The following CENPP variants were observed in gnomAD, a reference collection of about 807,000 sequenced individuals.
The protein encoded by CENPP is centromere protein P.
In CENPP, 24 loss-of-function variants were observed where a neutral mutation model predicts 35.6. The observed-to-expected ratio is 0.67, with a 90% CI of 0.49 to 0.95. CENPP has a LOEUF of 0.95. Ranked by LOEUF, CENPP falls within the 40% of genes least tolerant of loss-of-function variation. CENPP has a pLI of 0.00. For missense variants in CENPP, 332 were observed against 345.3 expected (o/e 0.96, Z 0.31); for synonymous variants, 120 against 125.5 (o/e 0.96, Z 0.29).
intron 6 of CENPP, 94 bp from the exon 7 acceptor site, chr9:92,612,429 C>T: frequency 1.1e-6 from 1 of 946,190 alleles, no homozygotes; most frequent in Non-Finnish European, 1.7e-6. Context: ...GGGAGCCCAG[C>T]ATGGGGAAAT....
At chr9:92,608,204 C>G (rs983253932) in intron 5 of CENPP, among the ~76,000 whole-genome samples, 3 of 152,172 alleles carry the variant, frequency 2.0e-5, no homozygotes, top group Non-Finnish European at 4.4e-5. Flanking sequence ...CTAAGGTGCA[C>G]TAGGGAGAGC....
chr9:92,569,627 G>A (rs1357809004), intron 5 of CENPP, among the ~76,000 whole-genome samples: 3 of 152,158 alleles, frequency 2.0e-5, no homozygotes, highest in Middle Eastern at 6.3e-3. Flanking sequence ...AAAGTCATTG[G>A]TAACTTGATG....
At chr9:92,477,217 G>GT (rs1338127937) in intron 5 of CENPP, among the ~76,000 whole-genome samples, 3 of 152,216 alleles carry the variant, frequency 2.0e-5, no homozygotes, top group African/African-American at 7.2e-5. Flanking sequence ...TGTGAATGCT[G>GT]TATGGGGTCC....
intron 5 of CENPP, chr9:92,505,678 A>G: frequency 2.5e-6 from 4 of 1,584,062 alleles, no homozygotes; most frequent in Non-Finnish European, 3.4e-6. Context: ...TAAGGTGACC[A>G]ACTGATTTAA....
chr9:92,465,729 A>G (rs1845279019), intron 5 of CENPP, among the ~76,000 whole-genome samples: 1 of 152,252 alleles, frequency 6.6e-6, no homozygotes, highest in Non-Finnish European at 1.5e-5. Context: ...ATATTTGAGT[A>G]GCTTATGCAA....
rs16908476 is a variant in CENPP at position 92,618,027 on chromosome 9, C to T, written c.*4878C>T. 2,738 of 349,552 alleles carry T rather than the reference C, an allele frequency of 7.8e-3. 62 individuals carry two copies. The highest frequency in any genetic ancestry group is 0.054 in the African/African-American group (2,519 of 46,690). 21.7% of individuals were successfully genotyped at this position (349,552 alleles called of 1,614,324 possible). On this transcript the variant is annotated 3_prime_UTR_variant, in exon 8 of 8. Transcript: ENST00000375587. The stretch of plus-strand genomic sequence containing the variant: ...CTCAGGTCTACCAGGTATCTCAAGA[C>T]GCCAAGATGACTCATGATAAATCCC...
intron 5 of CENPP, among the ~76,000 whole-genome samples, chr9:92,480,399 C>T (rs1845871952): frequency 6.6e-6 from 1 of 152,220 alleles, no homozygotes; most frequent in Admixed American, 6.5e-5. Context: ...TGAGGGCTGG[C>T]TTCCTCACTG....
intron 4 of CENPP, among the ~76,000 whole-genome samples, chr9:92,359,938 A>G (rs1841700632): frequency 6.6e-6 from 1 of 152,104 alleles, no homozygotes; most frequent in Non-Finnish European, 1.5e-5. Context: ...AATTAATCAC[A>G]ATTTACCATC....
intron 5 of CENPP, among the ~76,000 whole-genome samples, chr9:92,597,692 C>A (rs1266842307): frequency 6.6e-6 from 1 of 152,164 alleles, no homozygotes; most frequent in African/African-American, 2.4e-5. Context: ...TTAAAATAAA[C>A]CAACTTGGCT....
chr9:92,332,291 A>G lies in CENPP; in HGVS notation c.229A>G (p.Asn77Asp). ...ATTTCTAAGTACGCTTACTGGCATC[A>G]ATATAAGAAATCACTCCAAGCAGAC... is the stretch of plus-strand genomic sequence containing the variant. ...LSFLSTLTGINIRNHSKQTED... is the reference protein window; with the variant it reads ...LSFLSTLTGIDIRNHSKQTED... The change falls in exon 2 of 8, where the codon AAT becomes GAT. Residue 77 changes from asparagine to aspartate, a missense_variant. Physicochemically the swap from Asn to Asp is conservative, Grantham distance 23. Coordinates refer to ENST00000375587, the MANE Select transcript of CENPP (RefSeq NM_001012267.3). 2 of 1,611,774 alleles carry G rather than the reference A, an allele frequency of 1.2e-6. No individual in the cohort carries two copies. Among genetic ancestry groups the G allele is most frequent in the East Asian group, 2.2e-5 (1 of 44,706 alleles).
chr9:92,443,379 CTA>C (rs1844470434), intron 5 of CENPP, among the ~76,000 whole-genome samples: 1 of 151,924 alleles, frequency 6.6e-6, no homozygotes, highest in Non-Finnish European at 1.5e-5. Context: ...TGGGGTAACT[CTA>C]AAAAAAATGT....
intron 5 of CENPP, among the ~76,000 whole-genome samples, chr9:92,500,371 C>T (rs916524636): frequency 5.9e-5 from 9 of 152,132 alleles, no homozygotes; most frequent in South Asian, 2.1e-4. Flanking sequence ...TTAGTAGAAA[C>T]GAGGTTTCAC....
intron 5 of CENPP, among the ~76,000 whole-genome samples, chr9:92,608,992 C>T (rs188727253): frequency 1.3e-5 from 2 of 152,354 alleles, no homozygotes; most frequent in East Asian, 3.9e-4. Context: ...GTCCCAAGTG[C>T]TGCCGCTGAG....
intron 5 of CENPP, chr9:92,415,049 A>G (rs969874900): frequency 3.4e-6 from 3 of 872,556 alleles, no homozygotes; most frequent in African/African-American, 3.4e-5. Flanking sequence ...ATACTAATAC[A>G]TAATTCTAAA....
intron 5 of CENPP, among the ~76,000 whole-genome samples, chr9:92,458,603 G>T (rs541295958): frequency 6.6e-6 from 1 of 152,268 alleles, no homozygotes; most frequent in East Asian, 1.9e-4. Context: ...TATGACATGT[G>T]TTCTTCTGTT....
chr9:92,615,614 A>G lies in CENPP; in HGVS notation c.*2465A>G. 1 of 533,578 alleles carries G rather than the reference A, an allele frequency of 1.9e-6. No individual in the cohort carries two copies. The highest frequency in any genetic ancestry group is 2.1e-5 in the South Asian group (1 of 47,844). The allele number at this position is 533,578 out of a possible 1,614,324, so 33.1% of individuals were successfully genotyped here. A position where few individuals can be genotyped will look rare whatever the true frequency, so the allele number is the denominator to read the frequency against. Reference sequence around the variant, plus strand: ...CGGACACTTCCATTTTAAGAGTGTGAGCAGCTTCCTGGGACACAGCACTCA... The same window carrying G: ...CGGACACTTCCATTTTAAGAGTGTGGGCAGCTTCCTGGGACACAGCACTCA... On this transcript the variant is annotated 3_prime_UTR_variant, in exon 8 of 8. Transcript: ENST00000375587.
At chr9:92,367,362 T>C (rs1380929869) in intron 4 of CENPP, among the ~76,000 whole-genome samples, 1 of 152,006 alleles carries the variant, frequency 6.6e-6, no homozygotes, top group Non-Finnish European at 1.5e-5. Flanking sequence ...AGACAGGGTT[T>C]TGCCATGTTG....
At position 92,617,564 on chromosome 9, in the gene CENPP, C is replaced by T. The variant is rs1159176085; in HGVS notation, c.*4415C>T. 1 of 152,946 alleles carries T rather than the reference C, an allele frequency of 6.5e-6. No individual in the cohort carries two copies. Among genetic ancestry groups the T allele is most frequent in the Non-Finnish European group, 1.5e-5 (1 of 68,608 alleles). The allele number at this position is 152,946 out of a possible 1,614,324, so 9.5% of individuals were successfully genotyped here. A position where few individuals can be genotyped will look rare whatever the true frequency, so the allele number is the denominator to read the frequency against. ...CCAGGGACACACCTGTCCCTTGTGC[C>T]ACAAGTGTGCCCTCTAGCAGCCTTG... On this transcript the variant is annotated 3_prime_UTR_variant, in exon 8 of 8. Coordinates refer to ENST00000375587, the MANE Select transcript of CENPP (RefSeq NM_001012267.3).
At chr9:92,456,999 C>G in intron 5 of CENPP, 1 of 1,136,880 alleles carries the variant, frequency 8.8e-7, no homozygotes, top group African/African-American at 1.6e-5. Context: ...TACCGAATAT[C>G]TTACTTTTTT....
Sources: allele counts gnomAD v4.1 joint callset (sites outside exome capture counted in the v4.1 genomes callset), GRCh38; gene constraint gnomAD v4.1.1; transcripts MANE v1.5; gene names NCBI Gene and HGNC (gene_info 2026-07-23, HGNC 2026-07-21).